IL23R: variants seen among roughly 807,000 people sequenced by gnomAD.
The protein encoded by IL23R is interleukin 23 receptor.
In IL23R, 34 loss-of-function variants were observed where a neutral mutation model predicts 56.9. The observed-to-expected ratio is 0.60, with a 90% CI of 0.45 to 0.80. IL23R has a LOEUF of 0.80. Ranked by LOEUF, IL23R falls within the 30% of genes least tolerant of loss-of-function variation. The pLI is 0.00. For synonymous variants in IL23R, 230 were observed against 249.2 expected (o/e 0.92, Z 0.73); for missense variants, 635 against 730.0 (o/e 0.87, Z 1.50).
At chr1:67,160,426 T>G (rs574702088) in intron 1 of IL23R, among the ~76,000 whole-genome samples, 1 of 152,346 alleles carries the variant, frequency 6.6e-6, no homozygotes, top group Admixed American at 6.5e-5. Context: ...TTGGCTTCTA[T>G]GCAGATGGGT....
intron 6 of IL23R, among the ~76,000 whole-genome samples, chr1:67,219,083 T>A (rs975837186): frequency 1.3e-5 from 2 of 150,902 alleles, no homozygotes; most frequent in Non-Finnish European, 3.0e-5. Flanking sequence ...TAAAGCAGTA[T>A]GGGCTGGGCA....
intron 3 of IL23R, among the ~76,000 whole-genome samples, chr1:67,177,692 C>G (rs1647029964): frequency 6.6e-6 from 1 of 151,202 alleles, no homozygotes; most frequent in Non-Finnish European, 1.5e-5. Context: ...AAGTCTTTGC[C>G]CATGCCTATG....
At position 67,258,632 on chromosome 1, in the gene IL23R, A is replaced by C. The variant is rs1475068608; in HGVS notation, c.1394A>C (p.Gln465Pro). Residue 465 changes from glutamine (Q) to proline (P), a missense_variant, in exon 11 of 11, where the codon CAA (glutamine) becomes CCA (proline). Physicochemically the swap from Gln to Pro is moderately conservative, Grantham distance 76 (BLOSUM62 -1). Coordinates refer to ENST00000347310, the MANE Select transcript of IL23R (RefSeq NM_144701.3). ...TGPLETRDYP[Q>P]NSLFDNTTVV... is the part of the protein sequence containing the mutation. ...CCCCTGGAGACAAGAGACTACCCGC[A>C]AAACTCGCTATTCGACAATACTACA... is the stretch of plus-strand genomic sequence containing the variant. 7.4e-6 allele frequency: 12 copies of C among 1,613,832 alleles called. No homozygotes were observed. The highest frequency in any genetic ancestry group is 3.3e-4 in the Middle Eastern group (2 of 6,080).
intron 3 of IL23R, among the ~76,000 whole-genome samples, chr1:67,177,196 G>C (rs1647022345): frequency 6.6e-6 from 1 of 152,144 alleles, no homozygotes; most frequent in African/African-American, 2.4e-5. Flanking sequence ...TCGCCACACT[G>C]ACTTCCACAA....
At chr1:67,249,146 G>A (rs919270752) in intron 9 of IL23R, among the ~76,000 whole-genome samples, 3 of 152,142 alleles carry the variant, frequency 2.0e-5, no homozygotes, top group South Asian at 2.1e-4. Flanking sequence ...GATTTTTCAC[G>A]CTGATTTAGC....
chr1:67,166,064 C>T (rs1646870978), upstream of IL23R, among the ~76,000 whole-genome samples: 1 of 152,054 alleles, frequency 6.6e-6, no homozygotes, highest in Admixed American at 6.5e-5. Flanking sequence ...TGTTGTATAT[C>T]ATCAAATTGT....
chr1:67,146,322 G>T (rs148487532), intron 1 of IL23R, among the ~76,000 whole-genome samples: 1 of 152,118 alleles, frequency 6.6e-6, no homozygotes, highest in Non-Finnish European at 1.5e-5. Context: ...TGCTAATGCC[G>T]CTGGTACCTG....
chr1:67,264,267 A>G (rs1000670144), downstream of IL23R, among the ~76,000 whole-genome samples: 9 of 152,324 alleles, frequency 5.9e-5, no homozygotes, highest in East Asian at 7.7e-4. Flanking sequence ...CTTTACCATA[A>G]ATGTCTGGGC....
In IL23R at chr1:67,141,249, T is replaced by C. The variant is rs1646634948; in HGVS notation, c.-634+2088T>C. On this transcript the variant is annotated intron_variant, in intron 1 of 10. Transcript: ENST00000637002. Reference sequence around the variant, plus strand: ...AGTTATCTTAGGGTGGTAAAGTATATCTTGGAAATATTTTTCTACTTTGTA... The same window carrying C: ...AGTTATCTTAGGGTGGTAAAGTATACCTTGGAAATATTTTTCTACTTTGTA... 2.0e-5 allele frequency among the ~76,000 whole-genome samples: 3 copies of C among 152,298 alleles called. 1 individual carries two copies. In the South Asian group the frequency reaches 6.2e-4, roughly 32 times the overall value.
chr1:67,195,551 G>A (rs1046172680), intron 4 of IL23R, among the ~76,000 whole-genome samples: 4 of 152,146 alleles, frequency 2.6e-5, no homozygotes, highest in Admixed American at 2.0e-4. Context: ...AGGTAGGTCT[G>A]TCTCTAAAAT....
intron 3 of IL23R, among the ~76,000 whole-genome samples, chr1:67,180,774 T>A (rs1647127840): frequency 6.6e-6 from 1 of 152,204 alleles, no homozygotes. Flanking sequence ...TTCCTTTCCA[T>A]GTTTATTGCT....
downstream of IL23R, among the ~76,000 whole-genome samples, chr1:67,263,544 A>G (rs972803977): frequency 6.6e-6 from 1 of 152,182 alleles, no homozygotes; most frequent in African/African-American, 2.4e-5. Context: ...TTTGACATAG[A>G]GACAGCACAT....
intron 6 of IL23R, among the ~76,000 whole-genome samples, chr1:67,213,203 C>T (rs943844696): frequency 3.3e-5 from 5 of 152,086 alleles, no homozygotes; most frequent in Admixed American, 6.6e-5. Flanking sequence ...CTCTGTGCCT[C>T]GTTATTCCCA....
chr1:67,154,881 T>G (rs1646758049), intron 1 of IL23R, among the ~76,000 whole-genome samples: 1 of 152,212 alleles, frequency 6.6e-6, no homozygotes, highest in Non-Finnish European at 1.5e-5. Context: ...TTCTTTATAG[T>G]GTCATTGGTC....
At chr1:67,240,630 G>A (rs1395423373) in intron 9 of IL23R, among the ~76,000 whole-genome samples, 1 of 152,114 alleles carries the variant, frequency 6.6e-6, no homozygotes, top group Admixed American at 6.6e-5. Context: ...ACTACACGGC[G>A]TTTTCCATTG....
At chr1:67,229,863 T>C (rs1650983254) in intron 7 of IL23R, among the ~76,000 whole-genome samples, 1 of 152,200 alleles carries the variant, frequency 6.6e-6, no homozygotes, top group East Asian at 1.9e-4. Context: ...CCCCAACCAC[T>C]ACCACCAATT....
At chr1:67,151,040 G>A (rs1480674971) in intron 1 of IL23R, among the ~76,000 whole-genome samples, 2 of 152,032 alleles carry the variant, frequency 1.3e-5, no homozygotes, top group African/African-American at 2.4e-5. Context: ...ACTGTCTTCC[G>A]CGATGGTTGA....
intron 1 of IL23R, among the ~76,000 whole-genome samples, chr1:67,155,258 A>T (rs764020118): frequency 4.6e-5 from 7 of 151,976 alleles, no homozygotes; most frequent in Non-Finnish European, 4.4e-5. Flanking sequence ...GAATCTGATG[A>T]TTATGTGTTT....
At position 67,200,404 on chromosome 1, in the gene IL23R, T is replaced by A. The variant is rs547104524; in HGVS notation, c.492-333T>A. Among the ~76,000 whole-genome samples the A allele has an allele frequency of 3.0e-4, 45 of 151,760 alleles. No individual in the cohort carries two copies. In the South Asian group the frequency reaches 7.7e-3, roughly 26 times the overall value. Reference sequence around the variant, plus strand: ...TTAATTCAAACTTTTTTTCTTTTTTTTTTTTTTGAGACAGAGTCTCACTCT... The same window carrying A: ...TTAATTCAAACTTTTTTTCTTTTTTATTTTTTTGAGACAGAGTCTCACTCT... On this transcript the variant is annotated intron_variant, in intron 4 of 10. Coordinates refer to ENST00000347310, the MANE Select transcript of IL23R (RefSeq NM_144701.3).
Sources: gnomAD v4.1 joint callset for allele counts (sites outside exome capture counted in the v4.1 genomes callset) on GRCh38, gnomAD v4.1.1 for gene constraint, MANE v1.5 for transcripts, NCBI Gene and HGNC (gene_info 2026-07-23, HGNC 2026-07-21) for gene names.